PHPT1: variants seen among roughly 807,000 people sequenced by gnomAD.
PHPT1 encodes phosphohistidine phosphatase 1, also known as 14 kDa phosphohistidine phosphatase.
PHPT1 carries 16 observed loss-of-function variants against 15.6 expected under a neutral mutation model. The observed-to-expected ratio is 1.03, with a 90% CI of 0.70 to 1.56. The LOEUF (loss-of-function observed/expected upper bound fraction) is 1.56, where lower values mean the gene tolerates loss of function less well. Among genes scored for constraint, PHPT1 ranks in the 40% most tolerant of loss-of-function variants. The probability of loss-of-function intolerance (pLI) is 0.00; values close to 1 mark genes in which losing one functional copy is unlikely to be tolerated. For synonymous variants in PHPT1, 102 were observed against 68.1 expected, an observed-to-expected ratio of 1.50 and a Z score of -2.45; for missense variants, 228 against 171.0, an observed-to-expected ratio of 1.33 and a Z score of -1.86.
chr9:136,849,935 G>C, intron 1 of PHPT1, 78 bp from the exon 2 acceptor site: 1 of 1,459,804 alleles, frequency 6.9e-7, no homozygotes, highest in Non-Finnish European at 9.4e-7. Context: ...TGGGATTTCA[G>C]ACCCCTTCGG....
chr9:136,850,112 A>C lies in PHPT1; in HGVS notation c.260A>C (p.Lys87Thr). The C allele has an allele frequency of 6.2e-7, 1 of 1,613,192 alleles. No individual in the cohort carries two copies. Among genetic ancestry groups the C allele is most frequent in the Non-Finnish European group, 8.5e-7 (1 of 1,179,904 alleles). The change falls in exon 2 of 3, where the codon AAG (lysine) becomes ACG (threonine). Residue 87 changes from lysine (K) to threonine (T), a missense_variant. Coordinates refer to ENST00000247665, the MANE Select transcript of PHPT1 (RefSeq NM_014172.6). ...ATCTCCCACCAGAGTCAGGACAAGA[A>C]GATTCACGTGTACGGCTATTCCATG... ...GRISHQSQDK[K>T]IHVYGYSMAY...
intron 2 of PHPT1, chr9:136,850,381 C>G: frequency 1.1e-6 from 1 of 934,984 alleles, no homozygotes; most frequent in Non-Finnish European, 1.6e-6. Flanking sequence ...CCTCTCCCTG[C>G]CTTGGGAGGC....
rs748817847 is a variant in PHPT1 at position 136,850,505 on chromosome 9, G to A, written c.286-250G>A. 3 of 1,611,658 alleles carry A rather than the reference G, an allele frequency of 1.9e-6. No individual in the cohort carries two copies. In the African/African-American group the frequency reaches 4.0e-5, roughly 22 times the overall value. ...GTGCTCTTCACAAAAACCACCAGCA[G>A]ATGAGACCCACGTGCGTCCCTCTGG... On this transcript the variant is annotated intron_variant, in intron 2 of 2. Coordinates refer to ENST00000247665, the MANE Select transcript of PHPT1 (RefSeq NM_014172.6).
At chr9:136,849,961 G>A (rs1177786565) in intron 1 of PHPT1, 52 bp from the exon 2 acceptor site, 7 of 1,567,954 alleles carry the variant, frequency 4.5e-6, no homozygotes, top group Non-Finnish European at 5.2e-6. Context: ...AGTTCCTCCC[G>A]CGGCCTCCAA....
intron 2 of PHPT1, 177 bp downstream of exon 2, chr9:136,850,314 G>A: frequency 1.1e-6 from 1 of 886,368 alleles, no homozygotes; most frequent in Admixed American, 2.2e-5. Flanking sequence ...TTCCCCCATG[G>A]AGCACACGCC....
chr9:136,850,610 G>T (rs765317109), intron 2 of PHPT1, 145 bp from the exon 3 acceptor site: 1 of 1,571,502 alleles, frequency 6.4e-7, no homozygotes, highest in Admixed American at 1.7e-5. Context: ...CCCCAAGGGC[G>T]GTCGGGATGG....
chr9:136,850,895 C>A lies in PHPT1; in HGVS notation c.*48C>A. ...TGCCTCCAGCAGCCACTTCAGAGCC[C>A]CCGCCTTTGCCTGCACTCCTCTTGC... is the stretch of plus-strand genomic sequence containing the variant. On this transcript the variant is annotated 3_prime_UTR_variant, in exon 3 of 3. Coordinates refer to ENST00000247665, the MANE Select transcript of PHPT1 (RefSeq NM_014172.6). 7.2e-7 allele frequency: 1 copy of A among 1,381,082 alleles called. No homozygotes were observed. The highest frequency in any genetic ancestry group is 1.0e-6 in the Non-Finnish European group (1 of 968,944). The allele number at this position is 1,381,082 out of a possible 1,614,324, so 85.6% of individuals were successfully genotyped here.
In PHPT1 at chr9:136,849,554, G is replaced by C. The variant is rs372323529; in HGVS notation, c.124G>C (p.Glu42Gln). ...RSGAPAAESKEIVRGYKWAEY... is the reference protein window; with the variant it reads ...RSGAPAAESKQIVRGYKWAEY... Reference sequence around the variant, plus strand: ...CGGGGCTCCGGCTGCAGAGAGCAAGGAGATCGTGCGCGGCTACAAGTGGGC... The same window carrying C: ...CGGGGCTCCGGCTGCAGAGAGCAAGCAGATCGTGCGCGGCTACAAGTGGGC... The change falls in exon 1 of 3, where the codon GAG (glutamate) becomes CAG (glutamine). Residue 42 changes from glutamate (E) to glutamine (Q), a missense_variant. By Grantham distance (29) the Glu-to-Gln change is conservative. Transcript: ENST00000247665. The C allele has an allele frequency of 1.2e-6, 2 of 1,608,130 alleles. No individual in the cohort carries two copies. The highest frequency in any genetic ancestry group is 1.3e-5 in the African/African-American group (1 of 74,716).
intron 1 of PHPT1, 72 bp from the exon 2 acceptor site, chr9:136,849,941 T>A (rs1848863607): frequency 6.6e-7 from 1 of 1,514,242 alleles, no homozygotes. Flanking sequence ...TTCAGACCCC[T>A]TCGGCTGGGA....
chr9:136,849,468 A>G lies in PHPT1; in HGVS notation c.38A>G (p.Asp13Gly). 6.2e-7 allele frequency: 1 copy of G among 1,611,016 alleles called. No individual in the cohort carries two copies. The highest frequency in any genetic ancestry group is 8.5e-7 in the Non-Finnish European group (1 of 1,179,130). The change falls in exon 1 of 3, where the codon GAC becomes GGC. Residue 13 changes from aspartate (D) to glycine (G), a missense_variant. Transcript: ENST00000247665. ...VADLALIPDV[D>G]IDSDGVFKYV... ...GACCTCGCTCTCATTCCTGATGTGGACATCGACTCCGACGGCGTCTTCAAG... is the reference window on the plus strand; with the variant it reads ...GACCTCGCTCTCATTCCTGATGTGGGCATCGACTCCGACGGCGTCTTCAAG...
rs555514714 is a variant in PHPT1, at chr9:136,850,244, C to T, written c.285+107C>T. ...GGCCCCAGCTGAGCACGCAGGCTTC[C>T]TGGGGTTCTCCCAGGGTCGGCGGCA... On this transcript the variant is annotated intron_variant, in intron 2 of 2. Transcript: ENST00000247665. 1.8e-4 allele frequency: 269 copies of T among 1,473,034 alleles called. 2 individuals carry two copies. The highest frequency in any genetic ancestry group is 1.5e-3 in the Admixed American group (83 of 54,844). The allele number at this position is 1,473,034 out of a possible 1,614,324, so 91.2% of individuals were successfully genotyped here.
chr9:136,849,967 TCCAAGGGCGGCCA>T, intron 1 of PHPT1, 33 bp from the exon 2 acceptor site: 2 of 1,583,956 alleles, frequency 1.3e-6, no homozygotes, highest in Non-Finnish European at 1.7e-6. Flanking sequence ...TCCCGCGGCC[TCCAAGGGCGGCCA>T]GGGCACGTCC....
chr9:136,850,929 C>T lies in PHPT1; in HGVS notation c.*82C>T. ...GCCTGCACTCCTCTTGCAGGGCTGG[C>T]CCTGCCTGCTCCTGCGGCAGCCTCT... On this transcript the variant is annotated 3_prime_UTR_variant, in exon 3 of 3. Transcript: ENST00000247665. 2 of 1,052,456 alleles carry T rather than the reference C, an allele frequency of 1.9e-6. No individual in the cohort carries two copies. Among genetic ancestry groups the T allele is most frequent in the Non-Finnish European group, 3.0e-6 (2 of 670,416 alleles). 65.2% of individuals were successfully genotyped at this position (1,052,456 alleles called of 1,614,324 possible).
chr9:136,849,523 C>G lies in PHPT1; in HGVS notation c.93C>G (p.Pro31=), dbSNP rs1026619261. The change falls in exon 1 of 3, where the codon CCC becomes CCG. Residue 31 remains proline (P), a synonymous_variant. Transcript: ENST00000247665. Reference sequence around the variant, plus strand: ...TGCTGATCCGAGTCCACTCGGCTCCCCGCTCCGGGGCTCCGGCTGCAGAGA... The same window carrying G: ...TGCTGATCCGAGTCCACTCGGCTCCGCGCTCCGGGGCTCCGGCTGCAGAGA... ...KYVLIRVHSA[P]RSGAPAAESK... 9.9e-6 allele frequency: 16 copies of G among 1,611,362 alleles called. No individual in the cohort carries two copies. The highest frequency in any genetic ancestry group is 1.3e-5 in the Non-Finnish European group (15 of 1,179,586).
rs563301965 is a variant in PHPT1, at chr9:136,850,089, C to T, written c.237C>T (p.Ile79=). 1.2e-6 allele frequency: 2 copies of T among 1,613,072 alleles called. No homozygotes were observed. Among genetic ancestry groups the T allele is most frequent in the Admixed American group, 1.7e-5 (1 of 60,000 alleles). Residue 79 remains isoleucine, a synonymous_variant, in exon 2 of 3, where the codon ATC becomes ATT. Coordinates refer to ENST00000247665, the MANE Select transcript of PHPT1 (RefSeq NM_014172.6). ...CDCECLGGGR[I]SHQSQDKKIH... is the part of the protein sequence containing the mutation. Reference sequence around the variant, plus strand: ...GTGAGTGTCTGGGCGGCGGGCGCATCTCCCACCAGAGTCAGGACAAGAAGA... The same window carrying T: ...GTGAGTGTCTGGGCGGCGGGCGCATTTCCCACCAGAGTCAGGACAAGAAGA...
In PHPT1 at chr9:136,850,955, G is replaced by A; in HGVS notation, c.*108G>A. ...CCTGCCTGCTCCTGCGGCAGCCTCTGGTGACGTGCTGTCCACCAGGCCTTG... is the reference window on the plus strand; with the variant it reads ...CCTGCCTGCTCCTGCGGCAGCCTCTAGTGACGTGCTGTCCACCAGGCCTTG... On this transcript the variant is annotated 3_prime_UTR_variant, in exon 3 of 3. Transcript: ENST00000247665. The A allele has an allele frequency of 1.2e-6, 1 of 851,586 alleles. No individual in the cohort carries two copies. The highest frequency in any genetic ancestry group is 2.0e-6 in the Non-Finnish European group (1 of 490,868). 52.8% of individuals were successfully genotyped at this position (851,586 alleles called of 1,614,324 possible). A position where few individuals can be genotyped will look rare whatever the true frequency, so the allele number is the denominator to read the frequency against.
rs951681335 is a variant in PHPT1 at position 136,849,960 on chromosome 9, C to G, written c.161-53C>G. The G allele has an allele frequency of 7.6e-5, 120 of 1,569,308 alleles. No individual in the cohort carries two copies. The Admixed American group carries it at 2.1e-3, about 27-fold the overall frequency. ...GACCCCTTCGGCTGGGAGTTCCTCC[C>G]GCGGCCTCCAAGGGCGGCCAGGGCA... is the stretch of plus-strand genomic sequence containing the variant. On this transcript the variant is annotated intron_variant, in intron 1 of 2. Transcript: ENST00000247665.
intron 2 of PHPT1, 107 bp from the exon 3 acceptor site, chr9:136,850,648 A>G: frequency 6.7e-7 from 1 of 1,501,006 alleles, no homozygotes; most frequent in South Asian, 1.1e-5. Context: ...GGCACTGCCT[A>G]TCCCTTTCCC....
chr9:136,850,614 G>A (rs1042377867), intron 2 of PHPT1, 141 bp from the exon 3 acceptor site: 8 of 1,569,332 alleles, frequency 5.1e-6, no homozygotes, highest in Admixed American at 1.7e-5. Flanking sequence ...AAGGGCGGTC[G>A]GGATGGTGGG....
Sources: allele counts gnomAD v4.1 joint callset, GRCh38; gene constraint gnomAD v4.1.1; transcripts MANE v1.5; gene names NCBI Gene and HGNC (gene_info 2026-07-23, HGNC 2026-07-21).